Variants in PPM1G observed in about 807,000 individuals in gnomAD.
The protein encoded by PPM1G is protein phosphatase 1G.
PPM1G carries 12 observed loss-of-function variants against 59.4 expected under a neutral mutation model. The ratio of observed to expected loss-of-function variants is 0.20; its 90% CI spans 0.13 to 0.33. PPM1G has a LOEUF of 0.33. Ranked by LOEUF, PPM1G falls within the 10% of genes least tolerant of loss-of-function variation. PPM1G has a pLI of 1.00. For synonymous variants in PPM1G, 245 were observed against 251.9 expected (o/e 0.97, Z 0.26); for missense variants, 392 against 681.3 (o/e 0.58, Z 4.73).
intron 1 of PPM1G, among the ~76,000 whole-genome samples, chr2:27,397,328 C>G (rs1457373609): frequency 6.6e-6 from 1 of 152,032 alleles, no homozygotes; most frequent in Non-Finnish European, 1.5e-5. Flanking sequence ...GACAACACTT[C>G]CCAATTCATT....
At position 27,397,510 on chromosome 2, in the gene PPM1G, C is replaced by CA. The variant is rs923415326; in HGVS notation, c.121-10353dup. On this transcript the variant is annotated intron_variant, in intron 1 of 9. Transcript: ENST00000344034. The stretch of plus-strand genomic sequence containing the variant: ...CATTGATCAAATAAGACTTATACAC[C>CA]AAAAAAATGCAAGGTTGGTTTAACA... Among the ~76,000 whole-genome samples the CA allele has an allele frequency of 2.2e-4, 33 of 151,918 alleles. 1 individual carries two copies. The highest frequency in any genetic ancestry group is 7.5e-4 in the African/African-American group (31 of 41,448).
At chr2:27,392,290 T>TG (rs925839298) in intron 1 of PPM1G, among the ~76,000 whole-genome samples, 7 of 85,870 alleles carry the variant, frequency 8.2e-5, no homozygotes, top group South Asian at 8.1e-4. Flanking sequence ...TGTTTTGTTT[T>TG]TTTTTTTTTT....
intron 1 of PPM1G, among the ~76,000 whole-genome samples, chr2:27,396,387 T>C (rs1466214011): frequency 6.6e-6 from 1 of 152,166 alleles, no homozygotes; most frequent in African/African-American, 2.4e-5. Flanking sequence ...AGAATGCTGT[T>C]TGCCATGAGC....
At position 27,382,635 on chromosome 2, in the gene PPM1G, T is replaced by C. The variant is rs1416215113; in HGVS notation, c.1202-30A>G. ...AGTAAAGGAATGGTTGATGAGCAGT[T>C]TGGATACTTCCCACAGACTTGTGTT... On this transcript the variant is annotated intron_variant, in intron 7 of 9. Coordinates refer to ENST00000344034, the MANE Select transcript of PPM1G (RefSeq NM_177983.3). The surrounding 1 kb of genome is among the most constrained non-coding windows in gnomAD (Gnocchi z 4.2). 1 of 1,613,494 alleles carries C rather than the reference T, an allele frequency of 6.2e-7. No individual in the cohort carries two copies. The highest frequency in any genetic ancestry group is 8.5e-7 in the Non-Finnish European group (1 of 1,179,630).
intron 1 of PPM1G, among the ~76,000 whole-genome samples, chr2:27,401,955 G>T (rs151231951): frequency 1.4e-3 from 212 of 152,060 alleles, no homozygotes; most frequent in African/African-American, 5.0e-3. Context: ...ATACTGTATG[G>T]TATATGAACC....
At position 27,384,986 on chromosome 2, in the gene PPM1G, C is replaced by T. The variant is rs1440103223; in HGVS notation, c.512G>A (p.Ser171Asn). 1.5e-5 allele frequency: 24 copies of T among 1,614,112 alleles called. No homozygotes were observed. Among genetic ancestry groups the T allele is most frequent in the Non-Finnish European group, 1.9e-5 (23 of 1,180,048 alleles). ...GQNCHKGPPHSKSGGGTGEEP... is the reference protein window; with the variant it reads ...GQNCHKGPPHNKSGGGTGEEP... The stretch of plus-strand genomic sequence containing the variant: ...CTCGCCTGTCCCACCTCCAGATTTG[C>T]TGTGGGGAGGGCCCTTGTGACAGTT... The change falls in exon 5 of 10, where the codon AGC becomes AAC. Residue 171 changes from serine to asparagine, a missense_variant. Around this residue, in one of 6 missense-constraint regions of PPM1G, gnomAD observed 188 missense variants for 248.8 expected, o/e 0.76. Coordinates refer to ENST00000344034, the MANE Select transcript of PPM1G (RefSeq NM_177983.3). The surrounding 1 kb of genome is among the most constrained non-coding windows in gnomAD (Gnocchi z 4.8).
chr2:27,382,732 G>A lies in PPM1G; in HGVS notation c.1202-127C>T. On this transcript the variant is annotated intron_variant, in intron 7 of 9. Transcript: ENST00000344034. This position sits in a 1 kb window ranked among gnomAD's most constrained non-coding sequence, Gnocchi z 4.2. ...CCATAATCTAGTGGAATGGGGAACT[G>A]AGTCCTAAGTCCTAGTTTTTCTAGT... 8.2e-7 allele frequency: 1 copy of A among 1,222,388 alleles called. No homozygotes were observed. The highest frequency in any genetic ancestry group is 1.5e-5 in the South Asian group (1 of 68,066). 75.7% of individuals were successfully genotyped at this position (1,222,388 alleles called of 1,614,324 possible).
At chr2:27,399,725 G>T (rs1053264108) in intron 1 of PPM1G, among the ~76,000 whole-genome samples, 16 of 152,260 alleles carry the variant, frequency 1.1e-4, no homozygotes, top group South Asian at 6.2e-4. Context: ...TTATAAAAAA[G>T]GTGGATAAGT....
chr2:27,381,240 T>G lies in PPM1G; in HGVS notation c.*359A>C. 2.9e-6 allele frequency: 1 copy of G among 340,010 alleles called. No homozygotes were observed. Among genetic ancestry groups the G allele is most frequent in the Non-Finnish European group, 5.5e-6 (1 of 181,212 alleles). The allele number at this position is 340,010 out of a possible 1,614,324, so 21.1% of individuals were successfully genotyped here. ...AGTCTGAAAAAGTGTTGATTGAAAGTGTACAACAGAGAGCGGGTGCAAGCG... is the reference window on the plus strand; with the variant it reads ...AGTCTGAAAAAGTGTTGATTGAAAGGGTACAACAGAGAGCGGGTGCAAGCG... On this transcript the variant is annotated 3_prime_UTR_variant, in exon 10 of 10. Transcript: ENST00000344034.
chr2:27,401,549 G>C (rs2148426925), intron 1 of PPM1G, among the ~76,000 whole-genome samples: 1 of 152,334 alleles, frequency 6.6e-6, no homozygotes, highest in African/African-American at 2.4e-5. Flanking sequence ...AAAACAGGCA[G>C]GCACGGTGGC....
At chr2:27,386,048 G>A in intron 3 of PPM1G, 146 bp downstream of exon 3, 2 of 1,226,204 alleles carry the variant, frequency 1.6e-6, no homozygotes, top group Non-Finnish European at 2.3e-6. Context: ...CTAAAAGGCG[G>A]CCAATAAGCT....
At chr2:27,408,262 T>G (rs911408745) in intron 1 of PPM1G, among the ~76,000 whole-genome samples, 4 of 152,198 alleles carry the variant, frequency 2.6e-5, no homozygotes, top group African/African-American at 9.6e-5. Flanking sequence ...AGACAGTATT[T>G]CGCTGTTACC....
intron 2 of PPM1G, chr2:27,386,860 T>TA (rs1683776835): frequency 1.1e-5 from 4 of 376,926 alleles, no homozygotes; most frequent in Non-Finnish European, 1.4e-5. Flanking sequence ...AAAATAAAAA[T>TA]AAAAAAAGAT....
chr2:27,387,127 C>T lies in PPM1G; in HGVS notation c.152G>A (p.Ser51Asn), dbSNP rs768790936. ...DAHNCIPELDSETAMFSVYDG... is the reference protein window; with the variant it reads ...DAHNCIPELDNETAMFSVYDG... ...GTAGACAGAAAACATGGCTGTCTCA[C>T]TGTCCAGCTCAGGAATACAGTTGTG... Residue 51 changes from serine to asparagine, a missense_variant, in exon 2 of 10, where the codon AGT (serine) becomes AAT (asparagine). By Grantham distance (46) the Ser-to-Asn change is conservative. Transcript: ENST00000344034. 35 of 1,613,390 alleles carry T rather than the reference C, an allele frequency of 2.2e-5. 1 individual carries two copies. In the East Asian group the frequency reaches 7.4e-4, roughly 34 times the overall value.
At chr2:27,388,874 C>CA (rs376279784) in intron 1 of PPM1G, among the ~76,000 whole-genome samples, 4,015 of 116,768 alleles carry the variant, frequency 0.034, 97 homozygotes, top group African/African-American at 0.075. Flanking sequence ...GACTCCGTCT[C>CA]AAAAAAAAAA....
Position 27,384,117 on chromosome 2 carries a change from G to A in PPM1G, c.826-25C>T. The A allele has an allele frequency of 6.2e-7, 1 of 1,613,742 alleles. No individual in the cohort carries two copies. Among genetic ancestry groups the A allele is most frequent in the Non-Finnish European group, 8.5e-7 (1 of 1,179,868 alleles). On this transcript the variant is annotated intron_variant, in intron 5 of 9. Coordinates refer to ENST00000344034, the MANE Select transcript of PPM1G (RefSeq NM_177983.3). This position sits in a 1 kb window ranked among gnomAD's most constrained non-coding sequence, Gnocchi z 4.8. Reference sequence around the variant, plus strand: ...CCTGCCAGGGGGAGGATCCCAGACTGCTGAGACTGGGATGATCCCCTCCCT... The same window carrying A: ...CCTGCCAGGGGGAGGATCCCAGACTACTGAGACTGGGATGATCCCCTCCCT...
At chr2:27,394,914 T>C (rs1282417780) in intron 1 of PPM1G, among the ~76,000 whole-genome samples, 1 of 151,486 alleles carries the variant, frequency 6.6e-6, no homozygotes, top group Non-Finnish European at 1.5e-5. Context: ...CCCATTAGAA[T>C]AGGAACTATT....
intron 1 of PPM1G, among the ~76,000 whole-genome samples, chr2:27,391,102 T>C (rs1301935331): frequency 6.6e-6 from 1 of 152,262 alleles, no homozygotes; most frequent in East Asian, 1.9e-4. Context: ...GCACATGAGT[T>C]GATTCAATGT....
At chr2:27,408,877 T>C (rs927949544) in intron 1 of PPM1G, among the ~76,000 whole-genome samples, 2 of 152,196 alleles carry the variant, frequency 1.3e-5, no homozygotes, top group African/African-American at 4.8e-5. Flanking sequence ...ACATCAGATA[T>C]TTTAAATATT....
Sources: allele counts gnomAD v4.1 joint callset (sites outside exome capture counted in the v4.1 genomes callset), GRCh38; gene constraint gnomAD v4.1.1; regional missense constraint gnomAD v4.1.1; non-coding constraint Gnocchi (gnomAD v3.1); transcripts MANE v1.5; gene names NCBI Gene and HGNC (gene_info 2026-07-23, HGNC 2026-07-21).